EPS8L2: variants seen among roughly 807,000 people sequenced by gnomAD.
EPS8L2 encodes EPS8 signaling adaptor L2.
In EPS8L2, 81 loss-of-function variants were observed where a neutral mutation model predicts 99.4. That is an observed-to-expected ratio of 0.82 (90% CI 0.68 to 0.98). The LOEUF is 0.98. Ranked by LOEUF, EPS8L2 falls within the 50% of genes least tolerant of loss-of-function variation. EPS8L2 has a pLI of 0.00. For missense variants in EPS8L2, 1,155 were observed against 968.8 expected (o/e 1.19, Z -2.55); for synonymous variants, 509 against 407.3 (o/e 1.25, Z -3.01).
chr11:719,409 G>A (rs1278883147), intron 4 of EPS8L2, among the ~76,000 whole-genome samples: 3 of 152,262 alleles, frequency 2.0e-5, no homozygotes, highest in Non-Finnish European at 4.4e-5. Context: ...ACGGCAGCTT[G>A]GCTGGAGGAG....
intron 4 of EPS8L2, 122 bp from the exon 5 acceptor site, chr11:719,940 C>G: frequency 2.1e-6 from 2 of 934,800 alleles, no homozygotes; most frequent in Non-Finnish European, 3.2e-6. Flanking sequence ...GGCCGGTCCC[C>G]GTTCTAGCCC....
chr11:719,094 T>C (rs1436313311), intron 4 of EPS8L2, among the ~76,000 whole-genome samples: 2 of 150,914 alleles, frequency 1.3e-5, no homozygotes, highest in African/African-American at 4.9e-5. Flanking sequence ...GCCTCCCGAG[T>C]AGCTGGGATT....
At position 722,125 on chromosome 11, in the gene EPS8L2, CCG is replaced by C; in HGVS notation, c.1022_1023del (p.Ala341GlyfsTer46). On this transcript the variant is annotated frameshift_variant, in exon 12 of 21. Transcript: ENST00000318562. LOFTEE classifies it high-confidence loss of function. ...CAGAAGCACATCCAGAACCCCAGCG[CCG>C]CGGAGCTCGTGCACTTCCTCTTCGG... is the stretch of plus-strand genomic sequence containing the variant. 1 of 1,612,996 alleles carries C rather than the reference CCG, an allele frequency of 6.2e-7. No homozygotes were observed. The highest frequency in any genetic ancestry group is 8.5e-7 in the Non-Finnish European group (1 of 1,179,896).
intron 3 of EPS8L2, chr11:710,148 A>C (rs1590046262): frequency 2.2e-6 from 1 of 455,946 alleles, no homozygotes; most frequent in South Asian, 2.4e-5. Flanking sequence ...CGGGACAGAA[A>C]CCCCCCGGGC....
At position 712,449 on chromosome 11, in the gene EPS8L2, C is replaced by T. The variant is rs192725704; in HGVS notation, c.165+1963C>T. 3.1e-5 allele frequency among the ~76,000 whole-genome samples: 4 copies of T among 130,656 alleles called. No homozygotes were observed. In the South Asian group the frequency reaches 7.8e-4, roughly 25 times the overall value. 85.7% of individuals were successfully genotyped at this position (130,656 alleles called of 152,430 possible). On this transcript the variant is annotated intron_variant, in intron 4 of 20. Transcript: ENST00000318562. ...GGGTGCGAGCTGGGCTCCCGGTTGT[C>T]GTCCAAGCCTGGGTGCGAGCTGGGC... is the stretch of plus-strand genomic sequence containing the variant.
At position 720,209 on chromosome 11, in the gene EPS8L2, G is replaced by A. The variant is rs1862118970; in HGVS notation, c.313G>A (p.Asp105Asn). 1 of 1,613,084 alleles carries A rather than the reference G, an allele frequency of 6.2e-7. No homozygotes were observed. Among genetic ancestry groups the A allele is most frequent in the Non-Finnish European group, 8.5e-7 (1 of 1,179,934 alleles). Reference protein sequence around the residue: ...QVNDQSLRLLDIESQEELEDF... With the variant: ...QVNDQSLRLLNIESQEELEDF... Reference sequence around the variant, plus strand: ...GAACGACCAGTCGCTGCGGCTGCTGGACATCGAGTCACAGGTGGGGCCCAG... The same window carrying A: ...GAACGACCAGTCGCTGCGGCTGCTGAACATCGAGTCACAGGTGGGGCCCAG... The change falls in exon 5 of 21, where the codon GAC (aspartate) becomes AAC (asparagine). Residue 105 changes from aspartate (D) to asparagine (N), a missense_variant. By Grantham distance (23) the Asp-to-Asn change is conservative (BLOSUM62 1). Coordinates refer to ENST00000318562, the MANE Select transcript of EPS8L2 (RefSeq NM_022772.4).
intron 4 of EPS8L2, among the ~76,000 whole-genome samples, chr11:713,600 G>A (rs80173681): frequency 1.3e-5 from 2 of 152,036 alleles, no homozygotes; most frequent in African/African-American, 4.8e-5. Flanking sequence ...GCTGGAGTGC[G>A]GTGGCGTGAT....
intron 3 of EPS8L2, chr11:710,170 G>T: frequency 2.0e-6 from 1 of 496,668 alleles, no homozygotes; most frequent in Non-Finnish European, 3.6e-6. Flanking sequence ...CAGGCTGCTG[G>T]TCCCCACTCC....
chr11:711,387 C>T (rs1353751228), intron 4 of EPS8L2, among the ~76,000 whole-genome samples: 1 of 151,864 alleles, frequency 6.6e-6, no homozygotes, highest in Non-Finnish European at 1.5e-5. Flanking sequence ...ACCCAGGTGC[C>T]CAGGCTGGAG....
intron 4 of EPS8L2, among the ~76,000 whole-genome samples, chr11:712,311 C>T (rs979007530): frequency 4.6e-5 from 7 of 151,044 alleles, no homozygotes; most frequent in East Asian, 3.9e-4. Flanking sequence ...AAGGCCCCTG[C>T]GCCTGGGTAC....
rs775803879 is a variant in EPS8L2 at position 721,692 on chromosome 11, G to A, written c.895+1G>A. ...AAGAAGGGCAAGAAGGCGCCAGCAG[G>A]TGCAGGGGACAGGGACGGGGCCGGC... is the stretch of plus-strand genomic sequence containing the variant. On this transcript the variant is annotated splice_donor_variant, in intron 10 of 20. Transcript: ENST00000318562. LOFTEE classifies it high-confidence loss of function. 11 of 1,598,986 alleles carry A rather than the reference G, an allele frequency of 6.9e-6. No individual in the cohort carries two copies. Among genetic ancestry groups the A allele is most frequent in the South Asian group, 1.1e-5 (1 of 89,954 alleles).
intron 4 of EPS8L2, among the ~76,000 whole-genome samples, chr11:710,746 G>A (rs935299612): frequency 1.8e-5 from 2 of 111,570 alleles, no homozygotes; most frequent in African/African-American, 4.7e-5. Flanking sequence ...CAAAACGAAA[G>A]AGAGAAAGAG....
intron 10 of EPS8L2, 79 bp downstream of exon 10, chr11:721,770 C>T: frequency 6.5e-7 from 1 of 1,539,596 alleles, no homozygotes; most frequent in Non-Finnish European, 8.9e-7. Flanking sequence ...GGGACGGGGC[C>T]AGGGACATCC....
chr11:718,619 G>A (rs61224569), intron 4 of EPS8L2, among the ~76,000 whole-genome samples: 7,282 of 150,478 alleles, frequency 0.048, 389 homozygotes, highest in African/African-American at 0.14. Flanking sequence ...CAAGTAGCTG[G>A]GATGACAGGT....
At chr11:710,775 G>T (rs1440423793) in intron 4 of EPS8L2, among the ~76,000 whole-genome samples, 1 of 152,086 alleles carries the variant, frequency 6.6e-6, no homozygotes, top group African/African-American at 2.4e-5. Context: ...AGAAAGGGAG[G>T]AAGGGAGGAA....
intron 4 of EPS8L2, among the ~76,000 whole-genome samples, chr11:716,578 T>C (rs1590050736): frequency 1.3e-5 from 2 of 151,984 alleles, no homozygotes; most frequent in East Asian, 3.8e-4. Flanking sequence ...CTTAAGTCTT[T>C]CTTCTTTTCT....
In EPS8L2 at chr11:709,147, A is replaced by T. The variant is rs370504396; in HGVS notation, c.-78-183A>T. 124 of 597,336 alleles carry T rather than the reference A, an allele frequency of 2.1e-4. No homozygotes were observed. The East Asian group carries it at 2.1e-3, about 10-fold the overall frequency. 37.0% of individuals were successfully genotyped at this position (597,336 alleles called of 1,614,324 possible). A position where few individuals can be genotyped will look rare whatever the true frequency, so the allele number is the denominator to read the frequency against. The stretch of plus-strand genomic sequence containing the variant: ...TAGGGTCTGAGGCATGACGAGGCTG[A>T]TCGACTGTCAACTGGGACGTGGGGC... On this transcript the variant is annotated intron_variant, in intron 1 of 20. Transcript: ENST00000318562.
intron 3 of EPS8L2, 55 bp from the exon 4 acceptor site, chr11:710,367 A>G: frequency 6.4e-7 from 1 of 1,567,840 alleles, no homozygotes; most frequent in East Asian, 2.2e-5. Flanking sequence ...TCCCAACTGG[A>G]CGGGAGGCTG....
rs1352453388 is a variant in EPS8L2, at chr11:709,617, G to A, written c.100+9G>A. On this transcript the variant is annotated intron_variant, in intron 3 of 20. Coordinates refer to ENST00000318562, the MANE Select transcript of EPS8L2 (RefSeq NM_022772.4). ...CCCCAAGGACCTGTTTGGTGAGTGAGGTTTGAGAACGGGCTGGACGTCACA... is the reference window on the plus strand; with the variant it reads ...CCCCAAGGACCTGTTTGGTGAGTGAAGTTTGAGAACGGGCTGGACGTCACA... 5 of 1,612,714 alleles carry A rather than the reference G, an allele frequency of 3.1e-6. No individual in the cohort carries two copies. Among genetic ancestry groups the A allele is most frequent in the African/African-American group, 2.7e-5 (2 of 74,924 alleles).
Sources: gnomAD v4.1 joint callset for allele counts (sites outside exome capture counted in the v4.1 genomes callset) on GRCh38, gnomAD v4.1.1 for gene constraint, MANE v1.5 for transcripts, NCBI Gene and HGNC (gene_info 2026-07-23, HGNC 2026-07-21) for gene names.